Variants in PLEC observed in about 807,000 individuals in gnomAD.
PLEC encodes the protein plectin, also known as hemidesmosomal protein 1.
A neutral mutation model predicts 392.8 loss-of-function variants in PLEC; 216 were observed. The ratio of observed to expected loss-of-function variants is 0.55; its 90% confidence interval spans 0.49 to 0.62. The LOEUF (loss-of-function observed/expected upper bound fraction) is 0.62, where lower values mean the gene tolerates loss of function less well. PLEC is among the 20% of genes least tolerant of loss of function. The pLI is 0.00. For missense variants in PLEC, 6,863 were observed against 6,563.4 expected (o/e 1.05, Z -1.58); for synonymous variants, 3,621 against 2,980.6 (o/e 1.21, Z -7.00).
chr8:143,924,724 C>G lies in PLEC; in HGVS notation c.5205G>C (p.Glu1735Asp). ...GEQQRQLLEE[E>D]LARLQREAAA... is the part of the protein sequence containing the mutation. ...CCGCCTCACGCTGCAGCCGGGCCAGCTCCTCCTCCAGCAGCTGCCGCTGCT... is the reference window on the plus strand; with the variant it reads ...CCGCCTCACGCTGCAGCCGGGCCAGGTCCTCCTCCAGCAGCTGCCGCTGCT... The change falls in exon 31 of 32, where the codon GAG becomes GAC. Residue 1735 changes from glutamate to aspartate, a missense_variant. Glu to Asp is a conservative substitution (Grantham distance 45). Coordinates refer to ENST00000345136, the MANE Select transcript of PLEC (RefSeq NM_201384.3). 1 of 1,534,602 alleles carries G rather than the reference C, an allele frequency of 6.5e-7. No individual in the cohort carries two copies.
At position 143,946,278 on chromosome 8, in the gene PLEC, G is replaced by A. The variant is rs971498333; in HGVS notation, c.523+3906C>T. ...GGCACAGAACGGTGGACAACGGGAA[G>A]AGACAGGTCTGCCAGAGGCGGCCCC... On this transcript the variant is annotated intron_variant, in intron 1 of 31. Transcript: ENST00000322810. 18 of 1,121,836 alleles carry A rather than the reference G, an allele frequency of 1.6e-5. No homozygotes were observed. The East Asian group carries it at 7.0e-4, about 44-fold the overall frequency. The allele number at this position is 1,121,836 out of a possible 1,614,324, so 69.5% of individuals were successfully genotyped here. A position where few individuals can be genotyped will look rare whatever the true frequency, so the allele number is the denominator to read the frequency against.
In PLEC at chr8:143,930,371, G is replaced by T; in HGVS notation, c.2457+13C>A. 1.3e-6 allele frequency: 2 copies of T among 1,575,280 alleles called. No individual in the cohort carries two copies. The highest frequency in any genetic ancestry group is 8.6e-7 in the Non-Finnish European group (1 of 1,165,360). ...TGGCCACGCCCCCCAGTGGACCCCC[G>T]GCCTGCGCTCACCTCCACCTGCTTA... On this transcript the variant is annotated intron_variant, in intron 20 of 31. Coordinates refer to ENST00000345136, the MANE Select transcript of PLEC (RefSeq NM_201384.3).
chr8:143,950,382 G>A, exon 1 of PLEC: 1 of 1,599,434 alleles, frequency 6.3e-7, no homozygotes, highest in Non-Finnish European at 8.5e-7. Flanking sequence ...CGGCGTGCGG[G>A]CATCACCATG....
chr8:143,931,793 C>G (rs1181197802), intron 18 of PLEC, 134 bp from the exon 19 acceptor site: 6 of 1,468,950 alleles, frequency 4.1e-6, no homozygotes, highest in Non-Finnish European at 5.6e-6. Context: ...GGGAGCACCC[C>G]TGTCCAAGGC....
At chr8:143,938,379 C>A (rs1317235387) in intron 2 of PLEC, 139 bp from the exon 3 acceptor site, 1 of 1,535,146 alleles carries the variant, frequency 6.5e-7, no homozygotes, top group South Asian at 1.2e-5. Flanking sequence ...CGGAACACAC[C>A]CTGCCCCACG....
chr8:143,953,755 G>T, upstream of PLEC: 1 of 1,612,240 alleles, frequency 6.2e-7, no homozygotes, highest in Non-Finnish European at 8.5e-7. Flanking sequence ...GTTCTGGATG[G>T]CTCGCGAGGG....
At position 143,929,462 on chromosome 8, in the gene PLEC, C is replaced by T. The variant is rs1554710972; in HGVS notation, c.3033G>A (p.Leu1011=). 2 of 1,595,746 alleles carry T rather than the reference C, an allele frequency of 1.3e-6. No homozygotes were observed. Among genetic ancestry groups the T allele is most frequent in the Middle Eastern group, 1.8e-4 (1 of 5,554 alleles). Residue 1011 remains leucine (L), a synonymous_variant, in exon 24 of 32, where the codon CTG becomes CTA. Transcript: ENST00000345136. ...CACACTCCCGTGCCGGCTCTTTGTCCAGCGGCAGCCGCAGGCGGTGCACGG... is the reference window on the plus strand; with the variant it reads ...CACACTCCCGTGCCGGCTCTTTGTCTAGCGGCAGCCGCAGGCGGTGCACGG... ...TRTVHRLRLP[L]DKEPARECAQ... is the part of the protein sequence containing the mutation.
At position 143,932,149 on chromosome 8, in the gene PLEC, G is replaced by A. The variant is rs377358791; in HGVS notation, c.2063C>T (p.Pro688Leu). 164 of 1,611,338 alleles carry A rather than the reference G, an allele frequency of 1.0e-4. No homozygotes were observed. In the African/African-American group the frequency reaches 1.5e-3, roughly 15 times the overall value. The change falls in exon 17 of 32, where the codon CCG becomes CTG. Residue 688 changes from proline to leucine, a missense_variant. Transcript: ENST00000345136. ...AGDRLLREDHPARPTVESFQA... is the reference protein window; with the variant it reads ...AGDRLLREDHLARPTVESFQA... ...CCCCACCTCCACCGTGGGCCGGGCC[G>A]GGTGGTCCTCCCGCAGCAGCCGGTC...
chr8:143,973,462 G>C lies in PLEC; in HGVS notation c.11C>G (p.Pro4Arg), dbSNP rs1564239748. 1 of 1,514,158 alleles carries C rather than the reference G, an allele frequency of 6.6e-7. No homozygotes were observed. The highest frequency in any genetic ancestry group is 8.8e-7 in the Non-Finnish European group (1 of 1,130,914). 93.8% of individuals were successfully genotyped at this position (1,514,158 alleles called of 1,614,324 possible). A position where few individuals can be genotyped will look rare whatever the true frequency, so the allele number is the denominator to read the frequency against. ...GATGAAGTCCTGCTCGTCGGGCAGC[G>C]GGCCGGCCATGCCGGCGGGCGCGGG... is the stretch of plus-strand genomic sequence containing the variant. The change falls in exon 1 of 32, where the codon CCG becomes CGG. Residue 4 changes from proline (P) to arginine (R), a missense_variant. Pro to Arg is a moderately radical substitution (Grantham distance 103). Coordinates refer to the PLEC transcript ENST00000356346. This position sits in a 1 kb window ranked among gnomAD's most constrained non-coding sequence, Gnocchi z 5.6.
intron 2 of PLEC, 167 bp downstream of exon 2, chr8:143,938,464 G>A (rs1363410313): frequency 5.2e-6 from 8 of 1,542,938 alleles, no homozygotes; most frequent in Non-Finnish European, 4.4e-6. Flanking sequence ...GGAAGAGAGA[G>A]GCAGGAGCAG....
Position 143,923,997 on chromosome 8 carries a change from C to T in PLEC, c.5932G>A (p.Glu1978Lys). Residue 1978 changes from glutamate to lysine, a missense_variant, in exon 31 of 32, where the codon GAG (glutamate) becomes AAG (lysine). Physicochemically the swap from Glu to Lys is moderately conservative, Grantham distance 56 (BLOSUM62 1). Coordinates refer to ENST00000345136, the MANE Select transcript of PLEC (RefSeq NM_201384.3). ...EAARQRQLAA[E>K]EERRRREAEE... Reference sequence around the variant, plus strand: ...GCCTCACGGCGCCGCCGCTCCTCCTCCGCCGCCAGCTGCCGCTGCCTCGCA... The same window carrying T: ...GCCTCACGGCGCCGCCGCTCCTCCTTCGCCGCCAGCTGCCGCTGCCTCGCA... 1 of 1,585,886 alleles carries T rather than the reference C, an allele frequency of 6.3e-7. No individual in the cohort carries two copies. The highest frequency in any genetic ancestry group is 2.3e-5 in the East Asian group (1 of 44,356).
Position 143,929,125 on chromosome 8 carries a change from G to C in PLEC, c.3238C>G (p.Leu1080Val), listed in dbSNP as rs1399428681. ...CACTTCTCCAGGTAGATGGCAGACA[G>C]GCTGCGGACCTGCTCCAGCTTGCCC... is the stretch of plus-strand genomic sequence containing the variant. Reference protein sequence around the residue: ...TLGKLEQVRSLSAIYLEKLKT... With the variant: ...TLGKLEQVRSVSAIYLEKLKT... The change falls in exon 25 of 32, where the codon CTG (leucine) becomes GTG (valine). Residue 1080 changes from leucine (L) to valine (V), a missense_variant. Physicochemically the swap from Leu to Val is conservative, Grantham distance 32 (BLOSUM62 1). Coordinates refer to ENST00000345136, the MANE Select transcript of PLEC (RefSeq NM_201384.3). 1.3e-6 allele frequency: 2 copies of C among 1,582,606 alleles called. No individual in the cohort carries two copies. The highest frequency in any genetic ancestry group is 1.7e-6 in the Non-Finnish European group (2 of 1,165,576).
chr8:143,919,660 G>A lies in PLEC; in HGVS notation c.10161C>T (p.Leu3387=), dbSNP rs782378294. 1.3e-6 allele frequency: 2 copies of A among 1,593,452 alleles called. No homozygotes were observed. Among genetic ancestry groups the A allele is most frequent in the South Asian group, 2.2e-5 (2 of 90,018 alleles). Residue 3387 remains leucine, a synonymous_variant, in exon 32 of 32, where the codon CTC becomes CTT. Transcript: ENST00000345136. The stretch of plus-strand genomic sequence containing the variant: ...CAGTGGCCGCCTGCGCCTCCAGCAG[G>A]AGCGCAGCCGTTGTGGCTCTCAGCA... ...RGLLRATTAA[L]LLEAQAATGF...
upstream of PLEC, among the ~76,000 whole-genome samples, chr8:143,941,865 T>C (rs1443593574): frequency 4.6e-5 from 7 of 152,150 alleles, no homozygotes; most frequent in African/African-American, 1.7e-4. Context: ...CCAGGGCTGC[T>C]GACCCTCGGC....
At position 143,921,954 on chromosome 8, in the gene PLEC, T is replaced by G. The variant is rs1822919659; in HGVS notation, c.7867A>C (p.Thr2623Pro). The change falls in exon 32 of 32, where the codon ACA (threonine) becomes CCA (proline). Residue 2623 changes from threonine to proline, a missense_variant. Physicochemically the swap from Thr to Pro is conservative, Grantham distance 38 (BLOSUM62 -1). Coordinates refer to ENST00000345136, the MANE Select transcript of PLEC (RefSeq NM_201384.3). Reference sequence around the variant, plus strand: ...TCCCGGCCATTGGGCAGGGTCTTTGTGGCAGCCACCTGCGAGGCAGTGACC... The same window carrying G: ...TCCCGGCCATTGGGCAGGGTCTTTGGGGCAGCCACCTGCGAGGCAGTGACC... ...EEVTASQVAA[T>P]KTLPNGRDAL... The G allele has an allele frequency of 2.5e-6, 4 of 1,598,890 alleles. No homozygotes were observed. The highest frequency in any genetic ancestry group is 1.1e-5 in the South Asian group (1 of 91,044).
upstream of PLEC, among the ~76,000 whole-genome samples, chr8:143,953,031 A>AC (rs1190226615): frequency 1.1e-3 from 84 of 78,696 alleles, no homozygotes; most frequent in East Asian, 4.1e-3. Flanking sequence ...TGCAGCACAC[A>AC]CCCCCCCCGA....
rs782712552 is a variant in PLEC at position 143,929,755 on chromosome 8, C to T, written c.2814G>A (p.Arg938=). 4 of 1,599,976 alleles carry T rather than the reference C, an allele frequency of 2.5e-6. No individual in the cohort carries two copies. Among genetic ancestry groups the T allele is most frequent in the African/African-American group, 2.7e-5 (2 of 74,916 alleles). The change falls in exon 23 of 32, where the codon CGG becomes CGA. Residue 938 remains arginine, a synonymous_variant. Transcript: ENST00000345136. ...SLELHYQAFL[R]DSQDAGGFGP... ...CGAAGCCGCCCGCGTCCTGGCTGTCCCGCAGGAAGGCCTGGTAGTGCAGCT... is the reference window on the plus strand; with the variant it reads ...CGAAGCCGCCCGCGTCCTGGCTGTCTCGCAGGAAGGCCTGGTAGTGCAGCT...
intron 1 of PLEC, among the ~76,000 whole-genome samples, chr8:143,964,022 AG>A (rs1832978987): frequency 6.6e-6 from 1 of 152,120 alleles, no homozygotes; most frequent in African/African-American, 2.4e-5. Context: ...CATGTTGGCC[AG>A]GCTGGTCTCC....
rs1828689732 is a variant in PLEC, at chr8:143,935,210, G to C, written c.706C>G (p.Leu236Val). Residue 236 changes from leucine (L) to valine (V), a missense_variant, in exon 7 of 32, where the codon CTG (leucine) becomes GTG (valine). Leu to Val is a conservative substitution (Grantham distance 32). Transcript: ENST00000345136. ...CACGCAGACGTACCCTCAGGGTCCA[G>C]GAGCCGCGTCACTCCCAGGTCCCGC... The part of the protein sequence containing the change: ...AERDLGVTRL[L>V]DPEDVDVPQP... 6.2e-7 allele frequency: 1 copy of C among 1,612,608 alleles called. No homozygotes were observed. The highest frequency in any genetic ancestry group is 1.7e-5 in the Admixed American group (1 of 60,000).
Sources: allele counts gnomAD v4.1 joint callset (sites outside exome capture counted in the v4.1 genomes callset), GRCh38; gene constraint gnomAD v4.1.1; non-coding constraint Gnocchi (gnomAD v3.1); transcripts MANE v1.5; gene names NCBI Gene and HGNC (gene_info 2026-07-23, HGNC 2026-07-21).